Variants in SYNGR1 observed in about 807,000 individuals in gnomAD.
SYNGR1 encodes the protein synaptogyrin 1.
A neutral mutation model predicts 26.1 loss-of-function variants in SYNGR1; 14 were observed. The observed-to-expected ratio is 0.54, with a 90% CI of 0.35 to 0.84. The LOEUF (loss-of-function observed/expected upper bound fraction) is 0.84, where lower values mean the gene tolerates loss of function less well. Among genes scored for constraint, SYNGR1 ranks in the 40% least tolerant of loss-of-function variants. The pLI is 0.01. For missense variants in SYNGR1, 319 were observed against 332.9 expected (o/e 0.96, Z 0.33); for synonymous variants, 141 against 150.1 (o/e 0.94, Z 0.44).
Position 39,385,248 on chromosome 22 carries a change from G to A in SYNGR1, c.*3334G>A. 8 of 367,734 alleles carry A rather than the reference G, an allele frequency of 2.2e-5. No homozygotes were observed. The Admixed American group carries it at 3.2e-4, about 15-fold the overall frequency. 22.8% of individuals were successfully genotyped at this position (367,734 alleles called of 1,614,324 possible). On this transcript the variant is annotated 3_prime_UTR_variant, in exon 4 of 4. Transcript: ENST00000328933. ...ATGCACTTGACCTGACACTCCCCAT[G>A]TCCTGGTGCGCACAGCCCTTGTCGG...
At chr22:39,353,895 C>T (rs956147933) in intron 1 of SYNGR1, among the ~76,000 whole-genome samples, 12 of 152,156 alleles carry the variant, frequency 7.9e-5, no homozygotes, top group Admixed American at 2.0e-4. Flanking sequence ...GATGGAGTCT[C>T]GCTCTGTCTC....
At position 39,374,219 on chromosome 22, in the gene SYNGR1, G is replaced by A. The variant is rs911516763; in HGVS notation, c.100-97G>A. ...TAACCCGGGTCTTGTAGCTCACGGA[G>A]GGCCAGGCAGCAGGCGAGGGTGGCA... On this transcript the variant is annotated intron_variant, in intron 1 of 3. Coordinates refer to ENST00000328933, the MANE Select transcript of SYNGR1 (RefSeq NM_004711.5). 4 of 1,136,784 alleles carry A rather than the reference G, an allele frequency of 3.5e-6. No individual in the cohort carries two copies. In the South Asian group the frequency reaches 5.0e-5, roughly 14 times the overall value. 70.4% of individuals were successfully genotyped at this position (1,136,784 alleles called of 1,614,324 possible).
At chr22:39,375,958 G>A in intron 2 of SYNGR1, 94 bp from the exon 3 acceptor site, 2 of 1,535,282 alleles carry the variant, frequency 1.3e-6, no homozygotes, top group African/African-American at 2.7e-5. Context: ...ACTCTTGAAT[G>A]TCCCTCTGTT....
At chr22:39,364,748 G>A (rs1924651781) in intron 1 of SYNGR1, among the ~76,000 whole-genome samples, 1 of 152,184 alleles carries the variant, frequency 6.6e-6, no homozygotes. Flanking sequence ...GGTGGGGAGG[G>A]GGACAGATGA....
intron 1 of SYNGR1, among the ~76,000 whole-genome samples, chr22:39,370,539 C>T (rs1924971158): frequency 6.6e-6 from 1 of 152,114 alleles, no homozygotes; most frequent in Admixed American, 6.6e-5. Flanking sequence ...GAATGTACCA[C>T]ACTTTGTGTC....
intron 1 of SYNGR1, among the ~76,000 whole-genome samples, chr22:39,366,797 C>G (rs907196277): frequency 6.6e-6 from 1 of 152,190 alleles, no homozygotes; most frequent in Non-Finnish European, 1.5e-5. Flanking sequence ...CTCTCCATAG[C>G]AGCCGGTCTG....
chr22:39,367,542 A>G (rs113837486), intron 1 of SYNGR1, among the ~76,000 whole-genome samples: 7,937 of 152,152 alleles, frequency 0.052, 689 homozygotes, highest in African/African-American at 0.18. Flanking sequence ...TGGGTTGTAG[A>G]CCGCGCGAGG....
chr22:39,364,738 G>A (rs537410912), intron 1 of SYNGR1, among the ~76,000 whole-genome samples: 3 of 152,318 alleles, frequency 2.0e-5, no homozygotes, highest in East Asian at 3.9e-4. Context: ...GGCTGCATAG[G>A]GTGGGGAGGG....
At chr22:39,360,644 C>T (rs527447812) in intron 1 of SYNGR1, among the ~76,000 whole-genome samples, 1 of 152,160 alleles carries the variant, frequency 6.6e-6, no homozygotes, top group Admixed American at 6.5e-5. Context: ...ATGCTGAGCA[C>T]GGGCCGGATG....
intron 1 of SYNGR1, among the ~76,000 whole-genome samples, 168 bp from the exon 2 acceptor site, chr22:39,374,148 A>G (rs944681789): frequency 6.6e-6 from 1 of 152,170 alleles, no homozygotes; most frequent in Admixed American, 6.5e-5. Flanking sequence ...TGTGACCCAC[A>G]TAAGTTACCC....
chr22:39,370,780 G>C (rs1924982583), intron 1 of SYNGR1, among the ~76,000 whole-genome samples: 1 of 152,030 alleles, frequency 6.6e-6, no homozygotes, highest in Non-Finnish European at 1.5e-5. Flanking sequence ...ACCACGCCCA[G>C]CTAATTTTTT....
chr22:39,369,608 A>G (rs1441654255), intron 1 of SYNGR1, among the ~76,000 whole-genome samples: 1 of 152,230 alleles, frequency 6.6e-6, no homozygotes, highest in African/African-American at 2.4e-5. Flanking sequence ...TCTGGGAATC[A>G]GGAGACCTGG....
Position 39,381,794 on chromosome 22 carries a change from GC to G in SYNGR1, c.584del (p.Pro195LeufsTer43). The G allele has an allele frequency of 6.3e-7, 1 of 1,596,712 alleles. No individual in the cohort carries two copies. Among genetic ancestry groups the G allele is most frequent in the Non-Finnish European group, 8.5e-7 (1 of 1,176,518 alleles). On this transcript the variant is annotated frameshift_variant, in exon 4 of 4. Transcript: ENST00000328933. LOFTEE classifies it high-confidence loss of function. ...YMDPSQDSSMPYAPYVEPTGP... is the reference protein window; with the variant it reads ...YMDPSQDSSMXYAPYVEPTGP... ...TGGACCCCAGCCAGGACTCCAGCAT[GC>G]CTTACGCGCCCTACGTGGAGCCCAC...
chr22:39,357,104 A>T (rs1924178049), intron 1 of SYNGR1, among the ~76,000 whole-genome samples: 1 of 152,126 alleles, frequency 6.6e-6, no homozygotes, highest in Admixed American at 6.5e-5. Context: ...CTAAAAATAC[A>T]CAAATTAGCC....
rs1399384648 is a variant in SYNGR1 at position 39,374,543 on chromosome 22, C to T, written c.327C>T (p.Ile109=). The change falls in exon 2 of 4, where the codon ATC becomes ATT. Residue 109 remains isoleucine, a synonymous_variant. Coordinates refer to ENST00000328933, the MANE Select transcript of SYNGR1 (RefSeq NM_004711.5). ...KDRKKAVLSD[I]GVSAFWAFLW... Reference sequence around the variant, plus strand: ...GCAAGAAAGCCGTCCTGTCCGACATCGGTGTCTCGGGTGAGCCCCACCCAG... The same window carrying T: ...GCAAGAAAGCCGTCCTGTCCGACATTGGTGTCTCGGGTGAGCCCCACCCAG... 5.0e-6 allele frequency: 8 copies of T among 1,613,196 alleles called. No individual in the cohort carries two copies. The highest frequency in any genetic ancestry group is 2.7e-5 in the African/African-American group (2 of 74,940).
At chr22:39,361,802 G>T (rs985669440) in intron 1 of SYNGR1, among the ~76,000 whole-genome samples, 17 of 152,076 alleles carry the variant, frequency 1.1e-4, no homozygotes, top group Non-Finnish European at 1.9e-4. Flanking sequence ...TGTTTGGTTG[G>T]CATTTACACC....
intron 1 of SYNGR1, among the ~76,000 whole-genome samples, chr22:39,373,382 G>T (rs937619335): frequency 6.6e-6 from 1 of 152,102 alleles, no homozygotes; most frequent in Non-Finnish European, 1.5e-5. Flanking sequence ...TGGCCAGGCT[G>T]GTCTCAAACT....
In SYNGR1 at chr22:39,350,016, A is replaced by G; in HGVS notation, c.6A>G (p.Glu2=). 7.5e-7 allele frequency: 1 copy of G among 1,331,874 alleles called. No homozygotes were observed. Among genetic ancestry groups the G allele is most frequent in the Non-Finnish European group, 9.8e-7 (1 of 1,020,054 alleles). The allele number at this position is 1,331,874 out of a possible 1,614,324, so 82.5% of individuals were successfully genotyped here. A position where few individuals can be genotyped will look rare whatever the true frequency, so the allele number is the denominator to read the frequency against. ...ACCGCGCGGGTGCAGCCACGATGGA[A>G]GGGGGTGCGTACGGAGCGGGCAAAG... M[E]GGAYGAGKAG... Residue 2 remains glutamate (E), a synonymous_variant, in exon 1 of 4, where the codon GAA becomes GAG. Coordinates refer to ENST00000328933, the MANE Select transcript of SYNGR1 (RefSeq NM_004711.5). The surrounding 1 kb of genome is among the most constrained non-coding windows in gnomAD (Gnocchi z 4.3).
At chr22:39,363,901 A>G (rs1043879309) in intron 1 of SYNGR1, among the ~76,000 whole-genome samples, 1 of 152,172 alleles carries the variant, frequency 6.6e-6, no homozygotes, top group Non-Finnish European at 1.5e-5. Context: ...CGTGGGCTCC[A>G]GATGTCATCT....
Sources: gnomAD v4.1 joint callset for allele counts (sites outside exome capture counted in the v4.1 genomes callset) on GRCh38, gnomAD v4.1.1 for gene constraint, Gnocchi (gnomAD v3.1) non-coding constraint, MANE v1.5 for transcripts, NCBI Gene and HGNC (gene_info 2026-07-23, HGNC 2026-07-21) for gene names.